Variants in OSBPL9 observed in about 807,000 individuals in gnomAD.
OSBPL9 encodes the protein oxysterol-binding protein-related protein 9.
Under a neutral mutation model 106.6 loss-of-function variants are expected in OSBPL9, and 40 were observed. The observed-to-expected ratio is 0.38, with a 90% CI of 0.29 to 0.49. OSBPL9 has a LOEUF of 0.49. Ranked by LOEUF, OSBPL9 falls within the 20% of genes least tolerant of loss-of-function variation. OSBPL9 has a pLI of 0.97. For synonymous variants in OSBPL9, 269 were observed against 295.4 expected, an observed-to-expected ratio of 0.91 and a Z score of 0.92; for missense variants, 609 against 887.2, an observed-to-expected ratio of 0.69 and a Z score of 3.98.
intron 4 of OSBPL9, among the ~76,000 whole-genome samples, chr1:51,733,697 C>T (rs1007680203): frequency 6.6e-6 from 1 of 151,968 alleles, no homozygotes; most frequent in African/African-American, 2.4e-5. Context: ...ATTGCTTGAA[C>T]CTGGGAGGAG....
chr1:51,525,874 A>G, the OSBPL9 span, among the ~76,000 whole-genome samples: 3 of 151,222 alleles, frequency 2.0e-5, no homozygotes, highest in East Asian at 5.8e-4. Flanking sequence ...CTCAGCCTGA[A>G]TGATTTTTTT....
chr1:51,519,156 G>A, the OSBPL9 span: 10 of 1,387,968 alleles, frequency 7.2e-6, no homozygotes, highest in African/African-American at 1.5e-5. Context: ...TGGGGGAGGG[G>A]GCACCGGCCG....
chr1:51,663,086 A>G (rs571517818), intron 2 of OSBPL9, among the ~76,000 whole-genome samples: 1 of 152,328 alleles, frequency 6.6e-6, no homozygotes, highest in East Asian at 1.9e-4. Context: ...CAATCAGAAC[A>G]TGAATTTTTT....
Position 51,781,503 on chromosome 1 carries a change from A to G in OSBPL9, c.1428+168A>G, listed in dbSNP as rs565159298. On this transcript the variant is annotated intron_variant, in intron 16 of 23. Coordinates refer to ENST00000428468, the MANE Select transcript of OSBPL9 (RefSeq NM_024586.6). ...TTGAATGTAGTGAGAAGGAGGAAAA[A>G]GAGTAGGATGAGATGAGGATGGGGA... 3 of 654,116 alleles carry G rather than the reference A, an allele frequency of 4.6e-6. No individual in the cohort carries two copies. The African/African-American group carries it at 5.5e-5, about 12-fold the overall frequency. The allele number at this position is 654,116 out of a possible 1,614,324, so 40.5% of individuals were successfully genotyped here.
Position 51,765,822 on chromosome 1 carries a change from G to T in OSBPL9, c.779G>T (p.Gly260Val). The T allele has an allele frequency of 6.2e-7, 1 of 1,607,040 alleles. No homozygotes were observed. The highest frequency in any genetic ancestry group is 8.5e-7 in the Non-Finnish European group (1 of 1,177,084). Residue 260 changes from glycine (G) to valine (V), a missense_variant and splice_region_variant, in exon 12 of 24, where the codon GGC becomes GTC. Physicochemically the swap from Gly to Val is moderately radical, Grantham distance 109 (BLOSUM62 -3). Around this residue, in one of 5 missense-constraint regions of OSBPL9, gnomAD observed 356 missense variants for 505.8 expected, o/e 0.70. Transcript: ENST00000428468. ...HHQTPTPNST[G>V]SGHSPPSSSL... ...CTCTAAAACCCTTTTAACTTCCTAG[G>T]CAGTGGCCATTCACCACCGAGTAGC...
At chr1:51,637,749 GCTAT>G (rs913905661) in intron 1 of OSBPL9, among the ~76,000 whole-genome samples, 57 of 152,080 alleles carry the variant, frequency 3.7e-4, no homozygotes, top group Admixed American at 2.0e-3. Flanking sequence ...CTACATTTAG[GCTAT>G]CTAACTGATA....
chr1:51,695,334 C>T (rs912241254), intron 3 of OSBPL9, among the ~76,000 whole-genome samples: 14 of 152,298 alleles, frequency 9.2e-5, no homozygotes, highest in East Asian at 7.7e-4. Flanking sequence ...GTTCTTACAG[C>T]ATCATTGCAA....
At chr1:51,618,655 T>C (rs1644235791) in intron 1 of OSBPL9, among the ~76,000 whole-genome samples, 1 of 152,222 alleles carries the variant, frequency 6.6e-6, no homozygotes, top group South Asian at 2.1e-4. Flanking sequence ...AAAAAAGACA[T>C]TCACTGTTCC....
Position 51,611,517 on chromosome 1 carries a change from CAG to C in OSBPL9, c.-352-2786_-352-2785del, listed in dbSNP as rs372244496. Among the ~76,000 whole-genome samples the C allele has an allele frequency of 1.8e-3, 277 of 152,232 alleles. 1 individual carries two copies. Among genetic ancestry groups the C allele is most frequent in the African/African-American group, 6.3e-3 (261 of 41,524 alleles). ...AGAGAAGACAGCAAACCAACAACAA[CAG>C]AATGCATTATGAAGTAATTTGTACC... On this transcript the variant is annotated intron_variant, in intron 2 of 25. Coordinates refer to the OSBPL9 transcript ENST00000371714.
Position 51,669,435 on chromosome 1 carries a change from G to A in OSBPL9, c.164G>A (p.Gly55Glu), listed in dbSNP as rs753893905. 26 of 1,613,420 alleles carry A rather than the reference G, an allele frequency of 1.6e-5. No homozygotes were observed. The highest frequency in any genetic ancestry group is 2.2e-5 in the Non-Finnish European group (26 of 1,179,640). The change falls in exon 3 of 24, where the codon GGA becomes GAA. Residue 55 changes from glycine (G) to glutamate (E), a missense_variant and splice_region_variant. This residue lies in a region of OSBPL9 where 72 missense variants were observed against 140.5 expected (regional missense o/e 0.51). Coordinates refer to ENST00000428468, the MANE Select transcript of OSBPL9 (RefSeq NM_024586.6). ...GGGATTTTGCTCTTTGTTTCACAGG[G>A]AGCTGTGATTGGTATAGACGATGAG... The part of the protein sequence containing the change: ...GSRRGCVRLR[G>E]AVIGIDDEDD...
At chr1:51,593,673 T>G (rs1645287057) in intron 1 of OSBPL9, among the ~76,000 whole-genome samples, 1 of 152,170 alleles carries the variant, frequency 6.6e-6, no homozygotes, top group Non-Finnish European at 1.5e-5. Flanking sequence ...TATTCCCACC[T>G]TCCTCTGTAG....
At chr1:51,585,005 A>G (rs1645239821) in intron 1 of OSBPL9, among the ~76,000 whole-genome samples, 1 of 152,070 alleles carries the variant, frequency 6.6e-6, no homozygotes, top group Admixed American at 6.6e-5. Flanking sequence ...GAGGGTGCTA[A>G]GCACTACTTA....
intron 1 of OSBPL9, among the ~76,000 whole-genome samples, chr1:51,650,530 A>T (rs1001668791): frequency 1.3e-5 from 2 of 151,946 alleles, no homozygotes; most frequent in Non-Finnish European, 2.9e-5. Flanking sequence ...GTATTGAGAA[A>T]TTTTTTTCCT....
intron 1 of OSBPL9, among the ~76,000 whole-genome samples, chr1:51,626,251 A>G (rs531756803): frequency 1.4e-3 from 212 of 152,080 alleles, no homozygotes; most frequent in Non-Finnish European, 2.6e-3. Context: ...TGATATATCT[A>G]TTTTCCTCTT....
At chr1:51,576,219 G>A (rs909847369), upstream of OSBPL9, among the ~76,000 whole-genome samples, 10 of 152,158 alleles carry the variant, frequency 6.6e-5, no homozygotes, top group African/African-American at 2.4e-4. Context: ...TGGTCTCCCC[G>A]TCTCTTTCAA....
rs1390499633 is a variant in OSBPL9 at position 51,786,510 on chromosome 1, C to T, written c.1909-16C>T. On this transcript the variant is annotated splice_polypyrimidine_tract_variant and intron_variant, in intron 21 of 23. Transcript: ENST00000428468. The stretch of plus-strand genomic sequence containing the variant: ...GTTTATGGGTCTAGTTCCCATCCAC[C>T]TCTATTGTTTTCTAGGAAAATACAG... The T allele has an allele frequency of 2.6e-6, 4 of 1,545,020 alleles. No homozygotes were observed. The highest frequency in any genetic ancestry group is 3.6e-6 in the Non-Finnish European group (4 of 1,118,650).
intron 12 of OSBPL9, among the ~76,000 whole-genome samples, chr1:51,768,821 C>G (rs577528546): frequency 2.0e-5 from 3 of 152,332 alleles, no homozygotes; most frequent in Admixed American, 6.5e-5. Flanking sequence ...TCTATGCTCT[C>G]CCAGTACCCT....
At chr1:51,524,312 G>A in the OSBPL9 span, among the ~76,000 whole-genome samples, 1 of 152,196 alleles carries the variant, frequency 6.6e-6, no homozygotes, top group East Asian at 1.9e-4. Context: ...CAGGGCAGTG[G>A]GATACCCTGG....
At chr1:51,771,593 A>C (rs1057514300) in intron 12 of OSBPL9, among the ~76,000 whole-genome samples, 1 of 152,226 alleles carries the variant, frequency 6.6e-6, no homozygotes, top group Non-Finnish European at 1.5e-5. Flanking sequence ...ACTGGCTCAT[A>C]AAAGCCAGTT....
Sources: gnomAD v4.1 joint callset for allele counts (sites outside exome capture counted in the v4.1 genomes callset) on GRCh38, gnomAD v4.1.1 for gene constraint, gnomAD v4.1.1 regional missense constraint, MANE v1.5 for transcripts, NCBI Gene and HGNC (gene_info 2026-07-23, HGNC 2026-07-21) for gene names.